Variants in CLXN observed in about 807,000 individuals in gnomAD.
CLXN encodes calaxin.
the CLXN span, chr8:48,729,592 AG>A: frequency 2.3e-6 from 2 of 882,174 alleles, no homozygotes; most frequent in Non-Finnish European, 3.3e-6. Context: ...TAATATGTTG[AG>A]GAGCATAATT....
the CLXN span, chr8:48,731,496 T>A: frequency 3.3e-5 from 52 of 1,597,830 alleles, no homozygotes; most frequent in Non-Finnish European, 4.3e-5. Context: ...TCACTTCAAA[T>A]TTATTAACTG....
chr8:48,721,441 G>C, the CLXN span, among the ~76,000 whole-genome samples: 1 of 152,040 alleles, frequency 6.6e-6, no homozygotes, highest in Non-Finnish European at 1.5e-5. Context: ...ATTCTTCACA[G>C]AAATAGAAAA....
At chr8:48,727,550 G>A in the CLXN span, among the ~76,000 whole-genome samples, 17 of 152,108 alleles carry the variant, frequency 1.1e-4, no homozygotes, top group African/African-American at 3.9e-4. Flanking sequence ...TCTGGACAGA[G>A]GCAGCAGCAA....
At chr8:48,726,948 T>C in the CLXN span, among the ~76,000 whole-genome samples, 1 of 137,722 alleles carries the variant, frequency 7.3e-6, no homozygotes, top group South Asian at 2.5e-4. Flanking sequence ...CAACCATCCA[T>C]ATAACCAATC....
At chr8:48,717,069 G>A in the CLXN span, among the ~76,000 whole-genome samples, 1 of 152,184 alleles carries the variant, frequency 6.6e-6, no homozygotes, top group African/African-American at 2.4e-5. Flanking sequence ...GGAGGCTGAG[G>A]CAGGAGAATC....
chr8:48,727,854 G>A, the CLXN span, among the ~76,000 whole-genome samples: 1 of 152,138 alleles, frequency 6.6e-6, no homozygotes, highest in African/African-American at 2.4e-5. Flanking sequence ...ACAGATGTGA[G>A]GAGAAGAGGC....
the CLXN span, chr8:48,731,349 T>A: frequency 1.9e-6 from 3 of 1,606,800 alleles, no homozygotes; most frequent in Non-Finnish European, 2.5e-6. Context: ...GTCTCTTACC[T>A]CTGTCCATAA....
At chr8:48,718,603 G>A in the CLXN span, among the ~76,000 whole-genome samples, 1 of 152,066 alleles carries the variant, frequency 6.6e-6, no homozygotes, top group Admixed American at 6.6e-5. Flanking sequence ...ATCATTACAA[G>A]TATCTTTTCC....
the CLXN span, chr8:48,723,520 A>G: frequency 3.3e-5 from 5 of 152,236 alleles, no homozygotes; most frequent in Non-Finnish European, 7.3e-5. Flanking sequence ...AAGATTTACT[A>G]TCCCAACTAG....
chr8:48,726,853 C>G, the CLXN span, among the ~76,000 whole-genome samples: 18 of 135,462 alleles, frequency 1.3e-4, no homozygotes, highest in African/African-American at 5.2e-4. Flanking sequence ...ATCCACCCAT[C>G]TATCCATGCA....
chr8:48,725,230 G>C, the CLXN span, among the ~76,000 whole-genome samples: 1 of 152,184 alleles, frequency 6.6e-6, no homozygotes, highest in South Asian at 2.1e-4. Context: ...GGGGGATGTG[G>C]TTCAGTAAGG....
At chr8:48,711,823 T>C in the CLXN span, 1 of 152,180 alleles carries the variant, frequency 6.6e-6, no homozygotes, top group African/African-American at 2.4e-5. Flanking sequence ...TTGAGACACA[T>C]AGGACGTTCC....
chr8:48,732,849 C>A, the CLXN span, among the ~76,000 whole-genome samples: 1 of 152,118 alleles, frequency 6.6e-6, no homozygotes, highest in Non-Finnish European at 1.5e-5. Context: ...ATAAGCCAGA[C>A]ACAAAAGGAC....
At chr8:48,716,945 C>T in the CLXN span, among the ~76,000 whole-genome samples, 1 of 152,022 alleles carries the variant, frequency 6.6e-6, no homozygotes, top group South Asian at 2.1e-4. Flanking sequence ...AAATGAACAC[C>T]CAGATTAAAG....
the CLXN span, among the ~76,000 whole-genome samples, chr8:48,726,130 C>A: frequency 6.9e-6 from 1 of 145,890 alleles, no homozygotes; most frequent in African/African-American, 2.5e-5. Context: ...ATCCATCCAT[C>A]CATCCATCCA....
chr8:48,731,291 C>G, the CLXN span: 6 of 1,508,438 alleles, frequency 4.0e-6, no homozygotes, highest in African/African-American at 2.8e-5. Flanking sequence ...AGCACCAAAC[C>G]CTTTTTTTTT....
chr8:48,730,822 A>C, the CLXN span, among the ~76,000 whole-genome samples: 1 of 152,192 alleles, frequency 6.6e-6, no homozygotes, highest in Non-Finnish European at 1.5e-5. Flanking sequence ...TCTTTTATTA[A>C]ACATTCAATT....
the CLXN span, among the ~76,000 whole-genome samples, chr8:48,713,388 C>T: frequency 1.0e-3 from 158 of 152,190 alleles, no homozygotes; most frequent in Middle Eastern, 3.4e-3. Flanking sequence ...AACGACTGGG[C>T]GAGCGTCAGA....
the CLXN span, chr8:48,735,228 G>T: frequency 6.5e-7 from 1 of 1,543,194 alleles, no homozygotes; most frequent in Non-Finnish European, 8.9e-7. Context: ...GGACCCCCGC[G>T]AGCCCTGGTG....
Sources: allele counts gnomAD v4.1 joint callset (sites outside exome capture counted in the v4.1 genomes callset), GRCh38; gene constraint gnomAD v4.1.1; transcripts MANE v1.5; gene names NCBI Gene and HGNC (gene_info 2026-07-23, HGNC 2026-07-21).